Variants in GALNT13 observed in about 807,000 individuals in gnomAD.
The protein encoded by GALNT13 is UDP-GalNAc:polypeptide N-acetylgalactosaminyltransferase 13.
A neutral mutation model predicts 64.2 loss-of-function variants in GALNT13; 28 were observed. That is an observed-to-expected ratio of 0.44 (90% confidence interval 0.32 to 0.60). The LOEUF is 0.60. Among genes scored for constraint, GALNT13 ranks in the 20% least tolerant of loss-of-function variants. The probability of loss-of-function intolerance (pLI) is 0.05; values close to 1 mark genes in which losing one functional copy is unlikely to be tolerated. For missense variants in GALNT13, 577 were observed against 669.8 expected, an observed-to-expected ratio of 0.86 and a Z score of 1.53; for synonymous variants, 214 against 224.6, an observed-to-expected ratio of 0.95 and a Z score of 0.42.
intron 1 of GALNT13, among the ~76,000 whole-genome samples, chr2:153,887,355 T>A (rs1687250184): frequency 6.7e-6 from 1 of 150,064 alleles, no homozygotes; most frequent in Non-Finnish European, 1.5e-5. Flanking sequence ...AAATTTGGCC[T>A]GCTTAACCGA....
chr2:153,438,166 T>C, the GALNT13 span, among the ~76,000 whole-genome samples: 2 of 151,900 alleles, frequency 1.3e-5, no homozygotes, highest in South Asian at 2.1e-4. Flanking sequence ...CACTCTCTTC[T>C]GGCTGGTAGA....
chr2:153,588,027 A>G, the GALNT13 span, among the ~76,000 whole-genome samples: 1 of 152,374 alleles, frequency 6.6e-6, no homozygotes, highest in African/African-American at 2.4e-5. Context: ...TTAAAGCTCC[A>G]AAATGATCTC....
the GALNT13 span, among the ~76,000 whole-genome samples, chr2:153,700,116 T>C: frequency 6.6e-6 from 1 of 152,094 alleles, no homozygotes; most frequent in Non-Finnish European, 1.5e-5. Context: ...GCAAACTGAA[T>C]CCAGCAGCAC....
chr2:154,337,418 A>G (rs1265988207), intron 9 of GALNT13, among the ~76,000 whole-genome samples: 3 of 152,002 alleles, frequency 2.0e-5, no homozygotes, highest in Non-Finnish European at 4.4e-5. Context: ...AAGACAGAAA[A>G]CTCTGAAGCT....
At chr2:154,026,796 A>G (rs1226775593) in intron 3 of GALNT13, among the ~76,000 whole-genome samples, 2 of 152,172 alleles carry the variant, frequency 1.3e-5, no homozygotes, top group East Asian at 3.9e-4. Context: ...GAGAGTAGGG[A>G]TATTTCAGTC....
chr2:154,103,216 A>G (rs889456491), intron 3 of GALNT13, among the ~76,000 whole-genome samples: 2 of 152,062 alleles, frequency 1.3e-5, no homozygotes, highest in Non-Finnish European at 2.9e-5. Context: ...CTATTTTTGT[A>G]TGACTGGCTC....
intron 3 of GALNT13, among the ~76,000 whole-genome samples, chr2:154,094,291 T>A (rs1701967473): frequency 6.6e-6 from 1 of 151,876 alleles, no homozygotes; most frequent in Middle Eastern, 3.2e-3. Flanking sequence ...AAAGGAAATA[T>A]CTGGGCCATG....
chr2:154,318,503 A>G (rs1227123397), intron 9 of GALNT13, among the ~76,000 whole-genome samples: 1 of 152,174 alleles, frequency 6.6e-6, no homozygotes. Context: ...AGGCAAGTGC[A>G]TCACCTGAGG....
At chr2:153,417,991 G>A in the GALNT13 span, among the ~76,000 whole-genome samples, 1 of 152,172 alleles carries the variant, frequency 6.6e-6, no homozygotes, top group Non-Finnish European at 1.5e-5. Flanking sequence ...AGATGTGGGA[G>A]AACCAGCAAG....
In GALNT13 at chr2:154,358,471, A is replaced by G. The variant is rs536884031; in HGVS notation, c.1157-37520A>G. The stretch of plus-strand genomic sequence containing the variant: ...TATAGAATATATTCACTTTCATATA[A>G]AATTTTACAATTCCGTATATATTAA... On this transcript the variant is annotated intron_variant, in intron 9 of 12. Coordinates refer to ENST00000392825, the MANE Select transcript of GALNT13 (RefSeq NM_052917.4). Among the ~76,000 whole-genome samples, 329 of 152,220 alleles carry G rather than the reference A, an allele frequency of 2.2e-3. 1 individual carries two copies. The Middle Eastern group carries it at 0.027, about 13-fold the overall frequency.
chr2:154,346,177 T>C (rs892992038), intron 9 of GALNT13, among the ~76,000 whole-genome samples: 1 of 152,032 alleles, frequency 6.6e-6, no homozygotes, highest in African/African-American at 2.4e-5. Context: ...ATGATATATA[T>C]ATATGTCTTT....
At chr2:153,443,013 C>T in the GALNT13 span, among the ~76,000 whole-genome samples, 1 of 152,124 alleles carries the variant, frequency 6.6e-6, no homozygotes, top group Non-Finnish European at 1.5e-5. Context: ...CTGAGTTAGA[C>T]CACTTGGCTC....
chr2:154,061,428 C>A (rs933288662), intron 3 of GALNT13, among the ~76,000 whole-genome samples: 1 of 152,150 alleles, frequency 6.6e-6, no homozygotes, highest in Non-Finnish European at 1.5e-5. Flanking sequence ...CAGAGCTGGA[C>A]TCCTCAATCC....
At chr2:154,329,910 G>A (rs1403429465) in intron 9 of GALNT13, among the ~76,000 whole-genome samples, 1 of 152,088 alleles carries the variant, frequency 6.6e-6, no homozygotes, top group Non-Finnish European at 1.5e-5. Flanking sequence ...GCCCTCACCA[G>A]AAATAGATTC....
chr2:153,947,172 A>G (rs1164177611), intron 3 of GALNT13, among the ~76,000 whole-genome samples: 1 of 152,088 alleles, frequency 6.6e-6, no homozygotes, highest in African/African-American at 2.4e-5. Context: ...TCATTCACTC[A>G]TTCATTATTT....
At chr2:153,660,360 A>G in the GALNT13 span, among the ~76,000 whole-genome samples, 1 of 152,138 alleles carries the variant, frequency 6.6e-6, no homozygotes, top group Non-Finnish European at 1.5e-5. Context: ...AAAGCACATC[A>G]CACCTGGATT....
intron 3 of GALNT13, among the ~76,000 whole-genome samples, chr2:153,950,162 A>AAT (rs1011527662): frequency 3.3e-5 from 5 of 151,970 alleles, no homozygotes; most frequent in African/African-American, 1.2e-4. Flanking sequence ...AAAATCGTAG[A>AAT]ATATATATAA....
At chr2:153,181,936 A>G in the GALNT13 span, among the ~76,000 whole-genome samples, 2 of 149,480 alleles carry the variant, frequency 1.3e-5, no homozygotes, top group African/African-American at 4.9e-5. Context: ...AAACAATAAT[A>G]TACAAATGGT....
the GALNT13 span, among the ~76,000 whole-genome samples, chr2:153,293,785 G>GAC: frequency 8.3e-6 from 1 of 120,068 alleles, no homozygotes. Flanking sequence ...GTGTGTGTGT[G>GAC]TGTGTGTCTG....
Sources: allele counts gnomAD v4.1 joint callset (sites outside exome capture counted in the v4.1 genomes callset), GRCh38; gene constraint gnomAD v4.1.1; transcripts MANE v1.5; gene names NCBI Gene and HGNC (gene_info 2026-07-23, HGNC 2026-07-21).